Variants in CNTN2 observed in about 807,000 individuals in gnomAD.
CNTN2 encodes the protein contactin 2.
In CNTN2, 53 loss-of-function variants were observed where a neutral mutation model predicts 117.5. The observed-to-expected ratio is 0.45, with a 90% CI of 0.36 to 0.57. The LOEUF (loss-of-function observed/expected upper bound fraction) is 0.57, where lower values mean the gene tolerates loss of function less well. Ranked by LOEUF, CNTN2 falls within the 20% of genes least tolerant of loss-of-function variation. CNTN2 has a pLI of 0.00. For synonymous variants in CNTN2, 530 were observed against 561.7 expected (o/e 0.94, Z 0.80); for missense variants, 1,106 against 1,404.3 (o/e 0.79, Z 3.39).
chr1:205,055,582 C>A (rs1300314846), intron 2 of CNTN2, among the ~76,000 whole-genome samples: 1 of 152,180 alleles, frequency 6.6e-6, no homozygotes, highest in Non-Finnish European at 1.5e-5. Flanking sequence ...TCCTGAGCCT[C>A]ACTCCAAGAG....
intron 10 of CNTN2, 85 bp from the exon 11 acceptor site, chr1:205,064,237 T>A: frequency 2.1e-6 from 3 of 1,428,950 alleles, no homozygotes; most frequent in Non-Finnish European, 2.8e-6. Context: ...GAGTCACTCA[T>A]GGCGTGGCTT....
intron 1 of CNTN2, among the ~76,000 whole-genome samples, chr1:205,049,802 G>A (rs1398338078): frequency 6.6e-6 from 1 of 152,226 alleles, no homozygotes; most frequent in African/African-American, 2.4e-5. Context: ...TTGGAGCCAT[G>A]GAGCCCTTTG....
rs139907473 is a variant in CNTN2 at position 205,064,449 on chromosome 1, G to A, written c.1368G>A (p.Thr456=). 107 of 1,610,546 alleles carry A rather than the reference G, an allele frequency of 6.6e-5. No individual in the cohort carries two copies. The highest frequency in any genetic ancestry group is 9.4e-5 in the African/African-American group (7 of 74,838). ...CCGTGGTGCTCTGGAGCAAAGGCAC[G>A]GAGATTTTGGTCAACAGCAGCAGGT... The part of the protein sequence containing the change: ...PKAVVLWSKG[T]EILVNSSRVT... The change falls in exon 11 of 23, where the codon ACG becomes ACA. Residue 456 remains threonine, a synonymous_variant. Transcript: ENST00000331830.
At position 205,058,930 on chromosome 1, in the gene CNTN2, A is replaced by T; in HGVS notation, c.488-154A>T. On this transcript the variant is annotated intron_variant, in intron 5 of 22. Transcript: ENST00000331830. The surrounding 1 kb of genome is among the most constrained non-coding windows in gnomAD (Gnocchi z 4.3). ...GCTCCCTGAGGGCAGGAATAAAGTC[A>T]CTTCTTCCCTCTAGGTCTCCCCTTA... 1.4e-6 allele frequency: 1 copy of T among 740,548 alleles called. No individual in the cohort carries two copies. Among genetic ancestry groups the T allele is most frequent in the Non-Finnish European group, 2.2e-6 (1 of 452,178 alleles). The allele number at this position is 740,548 out of a possible 1,614,324, so 45.9% of individuals were successfully genotyped here. A position where few individuals can be genotyped will look rare whatever the true frequency, so the allele number is the denominator to read the frequency against.
In CNTN2 at chr1:205,048,839, A is replaced by G. The variant is rs549960097; in HGVS notation, c.-86-4261A>G. Among the ~76,000 whole-genome samples, 316 of 152,118 alleles carry G rather than the reference A, an allele frequency of 2.1e-3. No individual in the cohort carries two copies. The highest frequency in any genetic ancestry group is 7.3e-3 in the African/African-American group (302 of 41,504). ...TAAACACTGTGATGGAAATGGATGC[A>G]GGGCAAGACTGGACGCCAACTGCCT... is the stretch of plus-strand genomic sequence containing the variant. On this transcript the variant is annotated intron_variant, in intron 1 of 22. Coordinates refer to ENST00000331830, the MANE Select transcript of CNTN2 (RefSeq NM_005076.5). This position sits in a 1 kb window ranked among gnomAD's most constrained non-coding sequence, Gnocchi z 4.1.
At chr1:205,056,146 G>C (rs3767295) in intron 2 of CNTN2, among the ~76,000 whole-genome samples, 19,566 of 152,128 alleles carry the variant, frequency 0.13, 1,949 homozygotes, top group East Asian at 0.46. Context: ...AGAGGAGAAA[G>C]GTTTCTCGGG....
chr1:205,066,185 T>C (rs1346308690), intron 14 of CNTN2: 2 of 608,012 alleles, frequency 3.3e-6, no homozygotes, highest in Admixed American at 6.1e-5. Flanking sequence ...AGCCTAGTGC[T>C]GGGAGATCTA....
chr1:205,046,946 GTC>G (rs772871339), intron 1 of CNTN2, among the ~76,000 whole-genome samples: 1 of 152,002 alleles, frequency 6.6e-6, no homozygotes, highest in Non-Finnish European at 1.5e-5. Context: ...GTTAGAGTAG[GTC>G]TCTCTTGCAG....
chr1:205,069,368 G>T, intron 16 of CNTN2, 123 bp from the exon 17 acceptor site: 2 of 858,982 alleles, frequency 2.3e-6, no homozygotes, highest in Non-Finnish European at 3.6e-6. Flanking sequence ...ACCACTGGGG[G>T]GCAAACCCAG....
Position 205,061,027 on chromosome 1 carries a change from T to A in CNTN2, c.798-218T>A, listed in dbSNP as rs1026536131. On this transcript the variant is annotated intron_variant, in intron 7 of 22. Transcript: ENST00000331830. This position sits in a 1 kb window ranked among gnomAD's most constrained non-coding sequence, Gnocchi z 4.8. ...GGCTCCAGGGTTGTTGCAGGGGGGA[T>A]GGGTAGAGCAGCCCTGCCTCTTGCC... The A allele has an allele frequency of 1.3e-5, 7 of 524,588 alleles. No homozygotes were observed. The highest frequency in any genetic ancestry group is 5.0e-4 in the Middle Eastern group (1 of 2,010). The allele number at this position is 524,588 out of a possible 1,614,324, so 32.5% of individuals were successfully genotyped here.
In CNTN2 at chr1:205,058,447, C is replaced by T. The variant is rs1574641883; in HGVS notation, c.391+91C>T. On this transcript the variant is annotated intron_variant, in intron 4 of 22. Coordinates refer to ENST00000331830, the MANE Select transcript of CNTN2 (RefSeq NM_005076.5). The surrounding 1 kb of genome is among the most constrained non-coding windows in gnomAD (Gnocchi z 4.3). ...GAAAGGATAAGGGACACCCTCAAGC[C>T]GGGCCTTCCTGACCTCACATGACAT... The T allele has an allele frequency of 1.4e-5, 21 of 1,539,722 alleles. No individual in the cohort carries two copies. The highest frequency in any genetic ancestry group is 7.1e-5 in the South Asian group (6 of 84,346).
Position 205,059,570 on chromosome 1 carries a change from C to A in CNTN2, c.698-13C>A, listed in dbSNP as rs201293184. 4 of 1,613,244 alleles carry A rather than the reference C, an allele frequency of 2.5e-6. No homozygotes were observed. ...GTCATCTGCATCTGATTTGTAAAAC[C>A]CTCTCTCCCCAGATACCCGGCTCTT... On this transcript the variant is annotated splice_polypyrimidine_tract_variant and intron_variant, in intron 6 of 22. Transcript: ENST00000331830. The surrounding 1 kb of genome is among the most constrained non-coding windows in gnomAD (Gnocchi z 5.6).
At position 205,066,552 on chromosome 1, in the gene CNTN2, T is replaced by C. The variant is rs1359105701; in HGVS notation, c.1928T>C (p.Leu643Pro). 1 of 1,614,076 alleles carries C rather than the reference T, an allele frequency of 6.2e-7. No homozygotes were observed. The change falls in exon 15 of 23, where the codon CTG (leucine) becomes CCG (proline). Residue 643 changes from leucine to proline, a missense_variant. Coordinates refer to ENST00000331830, the MANE Select transcript of CNTN2 (RefSeq NM_005076.5). ...CACAGCCCCATCGCTAAGTACACCC[T>C]GCAAGCTCGCACTCCACCTGCAGGG... ...DNHSPIAKYT[L>P]QARTPPAGKW...
At position 205,074,805 on chromosome 1, in the gene CNTN2, G is replaced by A; in HGVS notation, c.*1040G>A. The stretch of plus-strand genomic sequence containing the variant: ...CATTCATGCTGTGTGTCCTGGTATT[G>A]GGAGGTTTCTGGGAAGGGCAGAGGA... On this transcript the variant is annotated 3_prime_UTR_variant, in exon 23 of 23. Coordinates refer to ENST00000331830, the MANE Select transcript of CNTN2 (RefSeq NM_005076.5). 1 of 398,708 alleles carries A rather than the reference G, an allele frequency of 2.5e-6. No homozygotes were observed. Among genetic ancestry groups the A allele is most frequent in the Non-Finnish European group, 4.4e-6 (1 of 226,154 alleles). 24.7% of individuals were successfully genotyped at this position (398,708 alleles called of 1,614,324 possible).
intron 2 of CNTN2, among the ~76,000 whole-genome samples, chr1:205,054,644 A>G (rs1309033820): frequency 2.6e-5 from 4 of 152,216 alleles, no homozygotes; most frequent in African/African-American, 9.6e-5. Context: ...CATGAAGCCA[A>G]TGACCAAGGG....
intron 14 of CNTN2, 106 bp from the exon 15 acceptor site, chr1:205,066,335 C>T (rs1654288428): frequency 1.5e-5 from 21 of 1,369,654 alleles, no homozygotes; most frequent in Non-Finnish European, 2.1e-5. Flanking sequence ...GCATCCTCTG[C>T]TGCCCTGTCT....
intron 10 of CNTN2, chr1:205,063,239 CT>C (rs886337128): frequency 5.9e-5 from 9 of 152,348 alleles, no homozygotes; most frequent in African/African-American, 2.2e-4. Context: ...CGGTCTCTGC[CT>C]TTAAGTAGCT....
intron 7 of CNTN2, chr1:205,060,557 A>C (rs1406617087): frequency 1.3e-5 from 2 of 151,946 alleles, no homozygotes; most frequent in Non-Finnish European, 2.9e-5. Flanking sequence ...TACTAAAAAT[A>C]CAAAAAAAAC....
chr1:205,066,309 TG>T, intron 14 of CNTN2, 131 bp from the exon 15 acceptor site: 2 of 1,049,864 alleles, frequency 1.9e-6, no homozygotes, highest in Admixed American at 2.6e-5. Flanking sequence ...CCCTCCCGCC[TG>T]GGTGTGTGTT....
Sources: gnomAD v4.1 joint callset for allele counts (sites outside exome capture counted in the v4.1 genomes callset) on GRCh38, gnomAD v4.1.1 for gene constraint, Gnocchi (gnomAD v3.1) non-coding constraint, MANE v1.5 for transcripts, NCBI Gene and HGNC (gene_info 2026-07-23, HGNC 2026-07-21) for gene names.